The following ROBO2 variants were observed in gnomAD, a reference collection of about 807,000 sequenced individuals.
ROBO2 encodes roundabout guidance receptor 2, also known as roundabout homolog 2.
A neutral mutation model predicts 160.8 loss-of-function variants in ROBO2; 53 were observed. The ratio of observed to expected loss-of-function variants is 0.33; its 90% CI spans 0.26 to 0.41. ROBO2 has a LOEUF of 0.41. Among genes scored for constraint, ROBO2 ranks in the 10% least tolerant of loss-of-function variants. The probability of loss-of-function intolerance (pLI) is 1.00; values close to 1 mark genes in which losing one functional copy is unlikely to be tolerated. For missense variants in ROBO2, 1,577 were observed against 1,722.4 expected, an observed-to-expected ratio of 0.92 and a Z score of 1.49; for synonymous variants, 664 against 611.7, an observed-to-expected ratio of 1.09 and a Z score of -1.26.
intron 23 of ROBO2, chr3:77,632,459 T>C: frequency 1.3e-6 from 2 of 1,521,522 alleles, no homozygotes; most frequent in Non-Finnish European, 1.8e-6. Context: ...ACTAGACAAC[T>C]ACATTTGTTT....
chr3:77,576,268 A>G (rs944142989), intron 14 of ROBO2, among the ~76,000 whole-genome samples: 9 of 152,216 alleles, frequency 5.9e-5, no homozygotes, highest in East Asian at 1.9e-4. Context: ...CTATATCTCA[A>G]TGCAAATATG....
At chr3:76,990,735 T>G (rs1377902531) in intron 2 of ROBO2, among the ~76,000 whole-genome samples, 1 of 152,146 alleles carries the variant, frequency 6.6e-6, no homozygotes, top group African/African-American at 2.4e-5. Flanking sequence ...AAACTGGTGA[T>G]CAGCAGCTTC....
intron 2 of ROBO2, among the ~76,000 whole-genome samples, chr3:77,027,239 A>G (rs111513497): frequency 1.6e-4 from 24 of 152,190 alleles, no homozygotes; most frequent in African/African-American, 5.3e-4. Flanking sequence ...TCTGATGACA[A>G]TGGTGATGAC....
At chr3:76,277,003 A>G (rs1221035155) in intron 2 of ROBO2, among the ~76,000 whole-genome samples, 1 of 152,038 alleles carries the variant, frequency 6.6e-6, no homozygotes, top group Non-Finnish European at 1.5e-5. Context: ...TTAACTTTAT[A>G]CAATATTTTT....
In ROBO2 at chr3:76,228,282, T is replaced by C. The variant is rs143568969; in HGVS notation, c.109+290680T>C. On this transcript the variant is annotated intron_variant, in intron 2 of 26. Transcript: ENST00000487694. ...GCAAATGGATTATGGCAGCAGCAAT[T>C]GTATGGGGGTTATGAAACCAAGAAT... 2.3e-3 allele frequency among the ~76,000 whole-genome samples: 351 copies of C among 152,226 alleles called. 3 individuals are homozygous for C. Among genetic ancestry groups the C allele is most frequent in the African/African-American group, 8.1e-3 (335 of 41,542 alleles).
rs1169307424 is a variant in ROBO2 at position 76,677,958 on chromosome 3, C to CTTTTTTTTT, written c.110-420035_110-420027dup. ...TTCTCTCACAGAGAAAGAAAATATG[C>CTTTTTTTTT]TTTTTTTTTTTTTTTTTTTTTTTTT... On this transcript the variant is annotated intron_variant, in intron 2 of 26. Coordinates refer to the ROBO2 transcript ENST00000487694. 1.9e-3 allele frequency among the ~76,000 whole-genome samples: 56 copies of CTTTTTTTTT among 29,396 alleles called. 12 individuals carry two copies. The highest frequency in any genetic ancestry group is 2.5e-3 in the African/African-American group (19 of 7,662). 19.3% of individuals were successfully genotyped at this position (29,396 alleles called of 152,430 possible).
chr3:75,945,721 G>A (rs1382263395), intron 2 of ROBO2, among the ~76,000 whole-genome samples: 1 of 151,954 alleles, frequency 6.6e-6, no homozygotes, highest in Non-Finnish European at 1.5e-5. Flanking sequence ...AAGCATTCTA[G>A]AATAGTTAGC....
At chr3:76,996,123 T>A (rs1056984365) in intron 2 of ROBO2, among the ~76,000 whole-genome samples, 1 of 152,194 alleles carries the variant, frequency 6.6e-6, no homozygotes, top group African/African-American at 2.4e-5. Context: ...TGAATTAATT[T>A]TTGTATAAGG....
chr3:76,560,933 GATATATATATATAT>G (rs10581875), intron 2 of ROBO2, among the ~76,000 whole-genome samples: 16,034 of 128,062 alleles, frequency 0.13, 1,218 homozygotes, highest in South Asian at 0.16. Context: ...TAAGAAGTAA[GATATATATATATAT>G]ATATATATAT....
At chr3:76,816,166 C>G (rs555190124) in intron 2 of ROBO2, among the ~76,000 whole-genome samples, 1 of 152,154 alleles carries the variant, frequency 6.6e-6, no homozygotes, top group South Asian at 2.1e-4. Flanking sequence ...TTTGGGTGAA[C>G]AAGTGCTGAG....
At chr3:77,107,291 C>T (rs1401531230) in intron 2 of ROBO2, among the ~76,000 whole-genome samples, 3 of 152,164 alleles carry the variant, frequency 2.0e-5, no homozygotes, top group African/African-American at 7.2e-5. Context: ...CTGACCACAG[C>T]TCTGGCCTTT....
At chr3:76,094,996 A>C in intron 2 of ROBO2, among the ~76,000 whole-genome samples, 1 of 152,188 alleles carries the variant, frequency 6.6e-6, no homozygotes, top group East Asian at 1.9e-4. Flanking sequence ...TATAATATAA[A>C]CAATAATCTC....
chr3:76,515,227 T>C (rs1161211089), intron 2 of ROBO2, among the ~76,000 whole-genome samples: 1 of 152,208 alleles, frequency 6.6e-6, no homozygotes, highest in Admixed American at 6.5e-5. Context: ...TTTCTTTATA[T>C]ACCTTCTCGC....
At chr3:76,139,823 A>G (rs2071564300) in intron 2 of ROBO2, among the ~76,000 whole-genome samples, 1 of 152,102 alleles carries the variant, frequency 6.6e-6, no homozygotes, top group Admixed American at 6.6e-5. Flanking sequence ...AAACATGGTG[A>G]AGTTTCGTTT....
chr3:77,107,015 A>G (rs1326132039), intron 2 of ROBO2, among the ~76,000 whole-genome samples: 3 of 152,246 alleles, frequency 2.0e-5, no homozygotes, highest in Non-Finnish European at 2.9e-5. Context: ...AGAAAATACC[A>G]TAAACTGGGT....
At chr3:76,475,538 T>C (rs1040835145) in intron 2 of ROBO2, among the ~76,000 whole-genome samples, 1 of 150,874 alleles carries the variant, frequency 6.6e-6, no homozygotes, top group African/African-American at 2.4e-5. Context: ...TTGTATTAAA[T>C]ATATTTCCTC....
intron 2 of ROBO2, among the ~76,000 whole-genome samples, chr3:76,059,169 A>G (rs1328230335): frequency 2.7e-5 from 4 of 150,864 alleles, no homozygotes; most frequent in African/African-American, 7.4e-5. Context: ...ATACCCAGTA[A>G]TGGGATGGCT....
intron 2 of ROBO2, among the ~76,000 whole-genome samples, chr3:77,301,458 A>C (rs1255671420): frequency 6.6e-6 from 1 of 152,206 alleles, no homozygotes; most frequent in East Asian, 1.9e-4. Context: ...CTGAAATTGC[A>C]TATGCATGTA....
chr3:77,597,215 T>A (rs1346312663), intron 19 of ROBO2, among the ~76,000 whole-genome samples: 1 of 152,062 alleles, frequency 6.6e-6, no homozygotes, highest in East Asian at 1.9e-4. Flanking sequence ...TAATATGTCA[T>A]GTAAGAAATA....
Sources: gnomAD v4.1 joint callset for allele counts (sites outside exome capture counted in the v4.1 genomes callset) on GRCh38, gnomAD v4.1.1 for gene constraint, MANE v1.5 for transcripts, NCBI Gene and HGNC (gene_info 2026-07-23, HGNC 2026-07-21) for gene names.